CCDC81: variants seen among roughly 807,000 people sequenced by gnomAD.
CCDC81 encodes coiled-coil domain containing 81, also known as coiled-coil domain-containing protein 81.
In CCDC81, 79 loss-of-function variants were observed where a neutral mutation model predicts 83.7. That is an observed-to-expected ratio of 0.94 (90% CI 0.79 to 1.14). The LOEUF (loss-of-function observed/expected upper bound fraction) is 1.14. Among genes scored for constraint, CCDC81 ranks in the 50% most tolerant of loss-of-function variants. CCDC81 has a pLI of 0.00. For synonymous variants in CCDC81, 252 were observed against 278.1 expected, an observed-to-expected ratio of 0.91 and a Z score of 0.93; for missense variants, 791 against 778.1, an observed-to-expected ratio of 1.02 and a Z score of -0.20.
chr11:86,406,178 TCTTA>T (rs1948563429), intron 7 of CCDC81, among the ~76,000 whole-genome samples: 1 of 152,228 alleles, frequency 6.6e-6, no homozygotes, highest in Non-Finnish European at 1.5e-5. Context: ...TTAAAATGAT[TCTTA>T]CTGTGTTGTC....
At chr11:86,400,912 T>C in intron 7 of CCDC81, 111 bp downstream of exon 7, 1 of 1,158,874 alleles carries the variant, frequency 8.6e-7, no homozygotes, top group South Asian at 1.8e-5. Flanking sequence ...CAGTGTTCTT[T>C]AGAGCTTTCT....
rs374555148 is a variant in CCDC81 at position 86,415,045 on chromosome 11, T to G, written c.1471-48T>G. 1.3e-5 allele frequency: 20 copies of G among 1,592,092 alleles called. No homozygotes were observed. In the Admixed American group the frequency reaches 2.2e-4, roughly 17 times the overall value. On this transcript the variant is annotated intron_variant, in intron 12 of 14. Coordinates refer to ENST00000445632, the MANE Select transcript of CCDC81 (RefSeq NM_001156474.2). Reference sequence around the variant, plus strand: ...ACATTACAGGGTTGTGCATAAAGCTTATTCCCTGGTAGAATGATAACCTGC... The same window carrying G: ...ACATTACAGGGTTGTGCATAAAGCTGATTCCCTGGTAGAATGATAACCTGC...
chr11:86,383,511 T>C (rs1948200342), intron 1 of CCDC81, among the ~76,000 whole-genome samples: 2 of 152,204 alleles, frequency 1.3e-5, no homozygotes, highest in South Asian at 4.1e-4. Context: ...TTTGAGCGCA[T>C]GGAATGTTAA....
At chr11:86,415,538 TTAAA>T (rs1409673596) in intron 13 of CCDC81, among the ~76,000 whole-genome samples, 2 of 152,238 alleles carry the variant, frequency 1.3e-5, no homozygotes, top group Non-Finnish European at 2.9e-5. Flanking sequence ...GAAAATGTTA[TTAAA>T]TAAATTTTTA....
At chr11:86,408,948 T>TG (rs76634552) in intron 9 of CCDC81, among the ~76,000 whole-genome samples, 17,413 of 152,192 alleles carry the variant, frequency 0.11, 1,241 homozygotes, top group South Asian at 0.18. Context: ...CTTTTACACT[T>TG]GCTGTATCCA....
chr11:86,387,016 T>C (rs1948251478), intron 2 of CCDC81, among the ~76,000 whole-genome samples: 1 of 152,174 alleles, frequency 6.6e-6, no homozygotes. Flanking sequence ...AGAAACCCAG[T>C]ATGAGAGGCA....
In CCDC81 at chr11:86,422,861, T is replaced by A. The variant is rs1329459439; in HGVS notation, c.*146T>A. ...TTCATTAGATTGCTTGTTAAGCCCT[T>A]ATTGAATTCACTCCTGCTTTCCTCC... On this transcript the variant is annotated 3_prime_UTR_variant, in exon 15 of 15. Transcript: ENST00000445632. 2 of 777,214 alleles carry A rather than the reference T, an allele frequency of 2.6e-6. No individual in the cohort carries two copies. Among genetic ancestry groups the A allele is most frequent in the African/African-American group, 1.8e-5 (1 of 56,982 alleles). 48.1% of individuals were successfully genotyped at this position (777,214 alleles called of 1,614,324 possible). A position where few individuals can be genotyped will look rare whatever the true frequency, so the allele number is the denominator to read the frequency against.
At chr11:86,418,709 G>A (rs976310139) in intron 13 of CCDC81, among the ~76,000 whole-genome samples, 5 of 152,216 alleles carry the variant, frequency 3.3e-5, no homozygotes, top group South Asian at 2.1e-4. Context: ...TGGTTGCCAA[G>A]GGCTAGAGGA....
At chr11:86,378,902 T>G (rs1459861132) in intron 1 of CCDC81, among the ~76,000 whole-genome samples, 1 of 152,146 alleles carries the variant, frequency 6.6e-6, no homozygotes, top group Admixed American at 6.5e-5. Flanking sequence ...GGGGTTTTGT[T>G]TTTTGGTCCA....
At chr11:86,375,449 T>C (rs1565755062) in intron 1 of CCDC81, among the ~76,000 whole-genome samples, 1 of 152,086 alleles carries the variant, frequency 6.6e-6, no homozygotes, top group African/African-American at 2.4e-5. Context: ...AGGGGATGCG[T>C]AGACAGCACA....
intron 14 of CCDC81, among the ~76,000 whole-genome samples, chr11:86,422,129 T>C (rs1948799721): frequency 6.6e-6 from 1 of 152,196 alleles, no homozygotes; most frequent in South Asian, 2.1e-4. Context: ...GATAGTTCAT[T>C]GTAAGTCCTC....
Position 86,395,386 on chromosome 11 carries a change from G to A in CCDC81, c.608G>A (p.Trp203Ter). 2 of 1,614,070 alleles carry A rather than the reference G, an allele frequency of 1.2e-6. No homozygotes were observed. The highest frequency in any genetic ancestry group is 1.7e-6 in the Non-Finnish European group (2 of 1,179,974). Reference sequence around the variant, plus strand: ...TCTAGCAGAGAGGCCTTGAGGAAGTGGCCCAGCAGTGTGCTTGCGTTTCCA... The same window carrying A: ...TCTAGCAGAGAGGCCTTGAGGAAGTAGCCCAGCAGTGTGCTTGCGTTTCCA... ...VLSSREALRKWPSSVLAFPRI... is the reference protein window; with the variant it reads ...VLSSREALRK Residue 203 changes from tryptophan (W) to a stop codon, truncating the protein, a stop_gained, in exon 5 of 15, where the codon TGG becomes TAG. Transcript: ENST00000445632. LOFTEE classifies it high-confidence loss of function.
At chr11:86,388,627 A>C (rs909192779) in intron 3 of CCDC81, among the ~76,000 whole-genome samples, 7 of 152,210 alleles carry the variant, frequency 4.6e-5, no homozygotes, top group African/African-American at 1.4e-4. Context: ...AATGTCAACA[A>C]ACCATACTTA....
Position 86,400,737 on chromosome 11 carries a change from A to T in CCDC81, c.817A>T (p.Asn273Tyr), listed in dbSNP as rs1948475161. Residue 273 changes from asparagine to tyrosine, a missense_variant, in exon 7 of 15, where the codon AAT (asparagine) becomes TAT (tyrosine). Physicochemically the swap from Asn to Tyr is moderately radical, Grantham distance 143 (BLOSUM62 -2). Coordinates refer to ENST00000445632, the MANE Select transcript of CCDC81 (RefSeq NM_001156474.2). ...AGCTTTGTTCCCTGCCAAAGTGACA[A>T]ATGTCAGCTTGCTGGAAAAGTTTGA... Reference protein sequence around the residue: ...RQALFPAKVTNVSLLEKFERS... With the variant: ...RQALFPAKVTYVSLLEKFERS... The T allele has an allele frequency of 6.2e-7, 1 of 1,613,206 alleles. No homozygotes were observed. Among genetic ancestry groups the T allele is most frequent in the Non-Finnish European group, 8.5e-7 (1 of 1,179,268 alleles).
chr11:86,381,068 T>C (rs1256791253), intron 1 of CCDC81, among the ~76,000 whole-genome samples: 2 of 150,892 alleles, frequency 1.3e-5, no homozygotes, highest in Non-Finnish European at 2.9e-5. Context: ...AGGGGTAGAG[T>C]GTGGGGGGTG....
At chr11:86,391,006 A>G (rs1948321296) in intron 3 of CCDC81, among the ~76,000 whole-genome samples, 1 of 152,192 alleles carries the variant, frequency 6.6e-6, no homozygotes, top group South Asian at 2.1e-4. Flanking sequence ...CAAATAAACA[A>G]ACCTCAGTAT....
At chr11:86,412,173 C>T (rs1948651767) in intron 10 of CCDC81, among the ~76,000 whole-genome samples, 1 of 152,168 alleles carries the variant, frequency 6.6e-6, no homozygotes, top group African/African-American at 2.4e-5. Flanking sequence ...TAGACCAAAC[C>T]CCTGGTGTTT....
At chr11:86,399,020 G>A (rs1948447216) in intron 6 of CCDC81, among the ~76,000 whole-genome samples, 1 of 152,210 alleles carries the variant, frequency 6.6e-6, no homozygotes, top group African/African-American at 2.4e-5. Context: ...TTTACTATAT[G>A]TGCTACTAAA....
In CCDC81 at chr11:86,415,271, A is replaced by G; in HGVS notation, c.1649A>G (p.Asp550Gly). The G allele has an allele frequency of 6.2e-7, 1 of 1,614,150 alleles. No homozygotes were observed. The highest frequency in any genetic ancestry group is 8.5e-7 in the Non-Finnish European group (1 of 1,180,020). ...KRKAILHQLV[D>G]QRRDLQMLQR... is the part of the protein sequence containing the mutation. Reference sequence around the variant, plus strand: ...AAAGCCATCCTGCATCAACTAGTGGACCAGAGGCGGGATTTGCAAATGCTT... The same window carrying G: ...AAAGCCATCCTGCATCAACTAGTGGGCCAGAGGCGGGATTTGCAAATGCTT... The change falls in exon 13 of 15, where the codon GAC becomes GGC. Residue 550 changes from aspartate (D) to glycine (G), a missense_variant. Coordinates refer to ENST00000445632, the MANE Select transcript of CCDC81 (RefSeq NM_001156474.2).
Sources: gnomAD v4.1 joint callset for allele counts (sites outside exome capture counted in the v4.1 genomes callset) on GRCh38, gnomAD v4.1.1 for gene constraint, MANE v1.5 for transcripts, NCBI Gene and HGNC (gene_info 2026-07-23, HGNC 2026-07-21) for gene names.